The following SENP6 variants were observed in gnomAD, a reference collection of about 807,000 sequenced individuals.
SENP6 encodes SUMO specific peptidase 6.
A neutral mutation model predicts 134.5 loss-of-function variants in SENP6; 41 were observed. The observed-to-expected ratio is 0.30, with a 90% CI of 0.24 to 0.40. The LOEUF (loss-of-function observed/expected upper bound fraction) is 0.40. SENP6 is among the 10% of genes least tolerant of loss of function. The pLI is 1.00. For synonymous variants in SENP6, 395 were observed against 429.8 expected (o/e 0.92, Z 1.00); for missense variants, 1,248 against 1,312.5 (o/e 0.95, Z 0.76).
At chr6:75,691,187 G>A (rs1418401283) in intron 16 of SENP6, among the ~76,000 whole-genome samples, 1 of 150,264 alleles carries the variant, frequency 6.7e-6, no homozygotes, top group Admixed American at 6.6e-5. Context: ...TTGTCGTTCA[G>A]GTTGGAGAGC....
rs1179538030 is a variant in SENP6, at chr6:75,715,543, A to C, written c.3288A>C (p.Glu1096Asp). 1 of 1,613,274 alleles carries C rather than the reference A, an allele frequency of 6.2e-7. No homozygotes were observed. The highest frequency in any genetic ancestry group is 8.5e-7 in the Non-Finnish European group (1 of 1,179,478). The change falls in exon 24 of 24, where the codon GAA (glutamate) becomes GAC (aspartate). Residue 1096 changes from glutamate to aspartate, a missense_variant. Transcript: ENST00000447266. Reference protein sequence around the residue: ...KRKHKDTYSTEAPLGEGTEQY... With the variant: ...KRKHKDTYSTDAPLGEGTEQY... ...AGCATAAGGACACTTACTCAACAGA[A>C]GCACCTTTAGGCGAAGGAACAGAAC...
intron 2 of SENP6, chr6:75,622,638 C>A: frequency 2.5e-6 from 1 of 405,174 alleles, no homozygotes; most frequent in Non-Finnish European, 4.5e-6. Context: ...CCAAAATAAA[C>A]AACAAATTCA....
chr6:75,631,486 A>G (rs1336772938), intron 3 of SENP6, among the ~76,000 whole-genome samples: 2 of 152,210 alleles, frequency 1.3e-5, no homozygotes, highest in East Asian at 1.9e-4. Flanking sequence ...GAGTTGTCAC[A>G]TTAAGGCTCT....
intron 20 of SENP6, among the ~76,000 whole-genome samples, chr6:75,710,273 G>A (rs1775678079): frequency 6.6e-6 from 1 of 152,026 alleles, no homozygotes; most frequent in African/African-American, 2.4e-5. Context: ...GATGAATTCT[G>A]ACTTTTCCTT....
chr6:75,605,795 A>T (rs1295718901), intron 1 of SENP6, among the ~76,000 whole-genome samples: 6 of 152,054 alleles, frequency 3.9e-5, no homozygotes, highest in Middle Eastern at 3.4e-3. Context: ...ATCTTTTTTT[A>T]AAAAAAAGTT....
At chr6:75,622,748 T>G (rs1319713904) in intron 2 of SENP6, 7 of 1,272,678 alleles carry the variant, frequency 5.5e-6, no homozygotes, top group Non-Finnish European at 7.2e-6. Context: ...CTAAATATTG[T>G]AGGTGCTTCA....
chr6:75,681,252 G>A (rs1773443244), intron 16 of SENP6, among the ~76,000 whole-genome samples: 1 of 152,066 alleles, frequency 6.6e-6, no homozygotes, highest in Non-Finnish European at 1.5e-5. Context: ...GTTCTCACAA[G>A]TTCTGGTTGT....
intron 1 of SENP6, among the ~76,000 whole-genome samples, chr6:75,604,671 A>G (rs1311236985): frequency 6.6e-6 from 1 of 152,040 alleles, no homozygotes; most frequent in Non-Finnish European, 1.5e-5. Flanking sequence ...GTTCCTCATA[A>G]CCAATTTTCA....
chr6:75,677,438 A>G (rs968572436), intron 14 of SENP6, 182 bp downstream of exon 14: 2 of 500,172 alleles, frequency 4.0e-6, no homozygotes, highest in Admixed American at 7.4e-5. Context: ...TAGGTGCCAA[A>G]TACCACTTGA....
At chr6:75,699,797 T>G (rs1774910858) in intron 18 of SENP6, among the ~76,000 whole-genome samples, 1 of 152,176 alleles carries the variant, frequency 6.6e-6, no homozygotes, top group Non-Finnish European at 1.5e-5. Context: ...GCCCTAATTT[T>G]TTTCTGAAGT....
At chr6:75,669,428 TATG>T (rs1299761193) in intron 10 of SENP6, among the ~76,000 whole-genome samples, 9 of 152,262 alleles carry the variant, frequency 5.9e-5, no homozygotes, top group Admixed American at 1.3e-4. Flanking sequence ...TACAAAATCA[TATG>T]ATCATATTTT....
intron 1 of SENP6, among the ~76,000 whole-genome samples, chr6:75,615,417 T>C (rs559742252): frequency 1.0e-3 from 158 of 152,252 alleles, no homozygotes; most frequent in African/African-American, 3.6e-3. Flanking sequence ...TGACCTCAAG[T>C]GATCCACCCA....
chr6:75,689,708 A>G (rs955207787), intron 16 of SENP6, among the ~76,000 whole-genome samples: 2 of 152,172 alleles, frequency 1.3e-5, no homozygotes, highest in Non-Finnish European at 2.9e-5. Flanking sequence ...ACAGTTGCCT[A>G]TGGTATTCAG....
intron 6 of SENP6, chr6:75,646,651 A>C (rs551230362): frequency 6.6e-6 from 1 of 152,434 alleles, no homozygotes; most frequent in South Asian, 2.1e-4. Flanking sequence ...CCTGGCTAAC[A>C]CAGTGAAAGC....
rs1308053455 is a variant in SENP6 at position 75,702,932 on chromosome 6, A to G, written c.2576A>G (p.Tyr859Cys). The change falls in exon 19 of 24, where the codon TAC becomes TGC. Residue 859 changes from tyrosine (Y) to cysteine (C), a missense_variant. Transcript: ENST00000447266. The part of the protein sequence containing the change: ...RYKRNICSVK[Y>C]SVKKINHTAS... ...AAGAGAAACATATGCAGTGTAAAAT[A>G]CAGTGTGAAAAAAATAAATCATACT... 1 of 1,614,018 alleles carries G rather than the reference A, an allele frequency of 6.2e-7. No homozygotes were observed. The highest frequency in any genetic ancestry group is 2.2e-5 in the East Asian group (1 of 44,882).
intron 3 of SENP6, among the ~76,000 whole-genome samples, chr6:75,629,906 T>A (rs1253069556): frequency 6.6e-6 from 1 of 151,994 alleles, no homozygotes; most frequent in African/African-American, 2.4e-5. Flanking sequence ...ATGAGTGAGT[T>A]TTTTAAGGAA....
At chr6:75,699,913 TTTG>T (rs1774918143) in intron 18 of SENP6, among the ~76,000 whole-genome samples, 1 of 152,160 alleles carries the variant, frequency 6.6e-6, no homozygotes, top group African/African-American at 2.4e-5. Context: ...TTTCTTTTGT[TTTG>T]TTTTGTTTTT....
intron 7 of SENP6, among the ~76,000 whole-genome samples, chr6:75,652,749 A>T (rs1433221399): frequency 6.6e-6 from 1 of 150,560 alleles, no homozygotes; most frequent in Non-Finnish European, 1.5e-5. Flanking sequence ...AGCTCCCAAC[A>T]CAGTATTATT....
chr6:75,610,172 G>A (rs1767336956), intron 1 of SENP6, among the ~76,000 whole-genome samples: 1 of 152,202 alleles, frequency 6.6e-6, no homozygotes, highest in African/African-American at 2.4e-5. Context: ...GAGGAAGAAT[G>A]TTAGAAACTT....
Sources: gnomAD v4.1 joint callset for allele counts (sites outside exome capture counted in the v4.1 genomes callset) on GRCh38, gnomAD v4.1.1 for gene constraint, MANE v1.5 for transcripts, NCBI Gene and HGNC (gene_info 2026-07-23, HGNC 2026-07-21) for gene names.